Variants in STXBP6 observed in about 807,000 individuals in gnomAD.
The protein encoded by STXBP6 is syntaxin binding protein 6, also known as syntaxin-binding protein 6.
In STXBP6, 21 loss-of-function variants were observed where a neutral mutation model predicts 26.9. That is an observed-to-expected ratio of 0.78 (90% CI 0.55 to 1.12). The LOEUF (loss-of-function observed/expected upper bound fraction) is 1.12, where lower values mean the gene tolerates loss of function less well. STXBP6 is among the 50% of genes most tolerant of loss of function. The pLI is 0.00. For synonymous variants in STXBP6, 97 were observed against 92.6 expected (o/e 1.05, Z -0.27); for missense variants, 232 against 257.9 (o/e 0.90, Z 0.69).
chr14:24,962,779 T>C (rs2073592052), intron 2 of STXBP6, among the ~76,000 whole-genome samples: 1 of 152,086 alleles, frequency 6.6e-6, no homozygotes, highest in Non-Finnish European at 1.5e-5. Flanking sequence ...ACTAGCAGTG[T>C]GAATGTTTCC....
chr14:24,982,788 T>C (rs1384273401), intron 1 of STXBP6, among the ~76,000 whole-genome samples: 1 of 152,232 alleles, frequency 6.6e-6, no homozygotes, highest in Non-Finnish European at 1.5e-5. Context: ...GAACAAACCC[T>C]GACCACAAGA....
At chr14:24,968,257 G>T (rs1256134263) in intron 2 of STXBP6, among the ~76,000 whole-genome samples, 1 of 150,388 alleles carries the variant, frequency 6.6e-6, no homozygotes, top group East Asian at 1.9e-4. Flanking sequence ...TCTGACTTCA[G>T]TGTGAATTTC....
chr14:24,834,166 T>C (rs890891750), intron 4 of STXBP6, among the ~76,000 whole-genome samples: 1 of 152,162 alleles, frequency 6.6e-6, no homozygotes, highest in African/African-American at 2.4e-5. Context: ...GGCTAATTTT[T>C]TAATTTTCTG....
At chr14:25,037,961 A>ATT (rs1310450362) in intron 1 of STXBP6, among the ~76,000 whole-genome samples, 1 of 152,182 alleles carries the variant, frequency 6.6e-6, no homozygotes, top group Non-Finnish European at 1.5e-5. Flanking sequence ...CCCCAGAAAC[A>ATT]TTTGAGGATA....
At chr14:24,922,201 G>C (rs1480562073) in intron 2 of STXBP6, among the ~76,000 whole-genome samples, 1 of 151,962 alleles carries the variant, frequency 6.6e-6, no homozygotes, top group East Asian at 1.9e-4. Flanking sequence ...AGCCATTGAT[G>C]AAAAATTAGC....
chr14:24,913,495 TACAACAACA>T (rs570747718), intron 2 of STXBP6, among the ~76,000 whole-genome samples: 1 of 151,744 alleles, frequency 6.6e-6, no homozygotes, highest in African/African-American at 2.4e-5. Context: ...AAATTAACAA[TACAACAACA>T]ACAACAACAA....
At chr14:24,987,545 T>A (rs895907266) in intron 1 of STXBP6, among the ~76,000 whole-genome samples, 4 of 152,246 alleles carry the variant, frequency 2.6e-5, no homozygotes, top group African/African-American at 9.6e-5. Context: ...AAAAGCATGT[T>A]CATCACAGAG....
intron 2 of STXBP6, among the ~76,000 whole-genome samples, chr14:24,961,499 T>G (rs1595196581): frequency 6.7e-6 from 1 of 149,312 alleles, no homozygotes; most frequent in African/African-American, 2.4e-5. Context: ...TAGAAAAGAA[T>G]GAACATGGAT....
chr14:24,875,435 G>A (rs940708206), intron 2 of STXBP6, among the ~76,000 whole-genome samples: 10 of 152,150 alleles, frequency 6.6e-5, no homozygotes, highest in African/African-American at 2.4e-4. Context: ...AACACACAAA[G>A]AATCTTCAAC....
At chr14:24,994,767 G>A (rs993739267) in intron 1 of STXBP6, 1 of 152,228 alleles carries the variant, frequency 6.6e-6, no homozygotes, top group African/African-American at 2.4e-5. Flanking sequence ...TCAGCACTTT[G>A]GGAGGCTGAG....
At chr14:24,980,086 T>C (rs17109401) in intron 1 of STXBP6, among the ~76,000 whole-genome samples, 36,213 of 152,122 alleles carry the variant, frequency 0.24, 5,562 homozygotes, top group African/African-American at 0.43. Flanking sequence ...AGCCACAATA[T>C]AGACATACTA....
rs994096241 is a variant in STXBP6, at chr14:24,809,683, C to T, written c.*3026G>A. The T allele has an allele frequency of 1.3e-5, 2 of 152,086 alleles. No individual in the cohort carries two copies. The highest frequency in any genetic ancestry group is 2.9e-5 in the Non-Finnish European group (2 of 68,014). 9.4% of individuals were successfully genotyped at this position (152,086 alleles called of 1,614,324 possible). ...ATCACAGAGTTAAAATATTTAATGA[C>T]AAAATTAGGGTTTGTTGTAATAGTG... is the stretch of plus-strand genomic sequence containing the variant. On this transcript the variant is annotated 3_prime_UTR_variant, in exon 6 of 6. Transcript: ENST00000323944.
At chr14:24,894,510 G>A (rs1203066499) in intron 2 of STXBP6, among the ~76,000 whole-genome samples, 1 of 152,162 alleles carries the variant, frequency 6.6e-6, no homozygotes, top group Non-Finnish European at 1.5e-5. Context: ...ACCAGGAAAG[G>A]TCAGTGTCCC....
chr14:24,926,114 G>C (rs189379496), intron 2 of STXBP6, among the ~76,000 whole-genome samples: 49 of 152,198 alleles, frequency 3.2e-4, no homozygotes, highest in South Asian at 6.2e-4. Flanking sequence ...TTTAATTTTT[G>C]GCAAGGGGAC....
chr14:24,987,947 G>T, intron 1 of STXBP6: 1 of 935,878 alleles, frequency 1.1e-6, no homozygotes, highest in Non-Finnish European at 1.3e-6. Context: ...GAGCAACAAA[G>T]TACTTTCCCT....
At chr14:24,862,692 A>G (rs1008192566) in intron 2 of STXBP6, among the ~76,000 whole-genome samples, 7 of 152,206 alleles carry the variant, frequency 4.6e-5, no homozygotes, top group African/African-American at 1.7e-4. Context: ...AGGGATGCCA[A>G]AAAGGAACCA....
At chr14:25,040,222 T>C (rs2075621337) in intron 1 of STXBP6, among the ~76,000 whole-genome samples, 2 of 152,202 alleles carry the variant, frequency 1.3e-5, no homozygotes, top group African/African-American at 4.8e-5. Context: ...TTTACACCTG[T>C]AACTTTATTT....
intron 2 of STXBP6, among the ~76,000 whole-genome samples, chr14:24,903,156 G>A (rs978905446): frequency 7.9e-5 from 12 of 152,146 alleles, no homozygotes; most frequent in African/African-American, 2.9e-4. Context: ...ACATGTGCTT[G>A]AGGCTTTGCA....
At chr14:24,843,116 G>C (rs1594946047) in intron 4 of STXBP6, among the ~76,000 whole-genome samples, 1 of 152,152 alleles carries the variant, frequency 6.6e-6, no homozygotes, top group Admixed American at 6.5e-5. Context: ...ATGATTTCAG[G>C]GTAGATAAAT....
Sources: gnomAD v4.1 joint callset for allele counts (sites outside exome capture counted in the v4.1 genomes callset) on GRCh38, gnomAD v4.1.1 for gene constraint, MANE v1.5 for transcripts, NCBI Gene and HGNC (gene_info 2026-07-23, HGNC 2026-07-21) for gene names.